The following MAGI3 variants were observed in gnomAD, a reference collection of about 807,000 sequenced individuals.
MAGI3 encodes membrane-associated guanylate kinase, WW and PDZ domain-containing protein 3.
In MAGI3, 43 loss-of-function variants were observed where a neutral mutation model predicts 121.8. That is an observed-to-expected ratio of 0.35 (90% CI 0.28 to 0.46). The LOEUF is 0.46. MAGI3 is among the 20% of genes least tolerant of loss of function. MAGI3 has a pLI of 1.00. For missense variants in MAGI3, 1,547 were observed against 1,797.3 expected (o/e 0.86, Z 2.52); for synonymous variants, 553 against 639.3 (o/e 0.86, Z 2.04).
At chr1:113,483,937 C>G (rs1405548090) in intron 1 of MAGI3, among the ~76,000 whole-genome samples, 1 of 151,898 alleles carries the variant, frequency 6.6e-6, no homozygotes, top group African/African-American at 2.4e-5. Context: ...TCTTCCCTGA[C>G]CCATTTGAGA....
intron 1 of MAGI3, among the ~76,000 whole-genome samples, chr1:113,448,884 C>T (rs535161929): frequency 1.1e-4 from 17 of 152,164 alleles, no homozygotes; most frequent in African/African-American, 3.1e-4. Context: ...CTTTGAGAGG[C>T]GAGGTGGGCA....
intron 15 of MAGI3, among the ~76,000 whole-genome samples, chr1:113,657,423 T>C (rs558388343): frequency 1.1e-4 from 16 of 152,312 alleles, no homozygotes; most frequent in Admixed American, 3.3e-4. Flanking sequence ...CTTTAGGAAG[T>C]TGTATACCAC....
In MAGI3 at chr1:113,456,804, A is replaced by G. The variant is rs1654780905; in HGVS notation, c.316+65455A>G. On this transcript the variant is annotated intron_variant, in intron 1 of 20. Coordinates refer to ENST00000307546, the MANE Select transcript of MAGI3 (RefSeq NM_001142782.2). ...ATCTTGCTATATAATGAAATGATAG[A>G]GTCATTTCTATGAAAATAGGATAAA... 2.6e-5 allele frequency among the ~76,000 whole-genome samples: 4 copies of G among 152,002 alleles called. No individual in the cohort carries two copies. In the South Asian group the frequency reaches 6.2e-4, roughly 24 times the overall value.
At chr1:113,461,229 C>A (rs533557519) in intron 1 of MAGI3, among the ~76,000 whole-genome samples, 1 of 152,268 alleles carries the variant, frequency 6.6e-6, no homozygotes, top group South Asian at 2.1e-4. Flanking sequence ...CTAGAAAAAA[C>A]TAGTTTAAAA....
chr1:113,402,113 ATTGTTC>A (rs1192879709), intron 1 of MAGI3, among the ~76,000 whole-genome samples: 1 of 152,152 alleles, frequency 6.6e-6, no homozygotes, highest in African/African-American at 2.4e-5. Flanking sequence ...AGTTCCTTTC[ATTGTTC>A]TAGTTTCTGG....
intron 1 of MAGI3, among the ~76,000 whole-genome samples, chr1:113,423,167 C>T (rs1220078534): frequency 6.7e-6 from 1 of 150,142 alleles, no homozygotes; most frequent in African/African-American, 2.5e-5. Context: ...CTTTATTGAG[C>T]AACAGAACAA....
At chr1:113,609,533 G>A (rs558227974) in intron 6 of MAGI3, among the ~76,000 whole-genome samples, 31 of 152,124 alleles carry the variant, frequency 2.0e-4, no homozygotes, top group South Asian at 6.2e-4. Context: ...TTAGGAATTC[G>A]TTTTACCCTC....
intron 20 of MAGI3, chr1:113,682,319 T>C: frequency 1.3e-6 from 2 of 1,581,544 alleles, no homozygotes. Context: ...TTGCATGTCT[T>C]GTAAATCACT....
At chr1:113,598,933 G>C (rs1249130827) in intron 6 of MAGI3, among the ~76,000 whole-genome samples, 2 of 152,130 alleles carry the variant, frequency 1.3e-5, no homozygotes, top group Non-Finnish European at 2.9e-5. Flanking sequence ...CACAAAACAA[G>C]TCTCAATAAA....
intron 1 of MAGI3, among the ~76,000 whole-genome samples, chr1:113,446,344 G>A (rs948689821): frequency 6.6e-6 from 1 of 152,110 alleles, no homozygotes; most frequent in African/African-American, 2.4e-5. Flanking sequence ...CATGTTAAAT[G>A]TAATCCCCAT....
At chr1:113,466,257 GT>G (rs1557771764) in intron 1 of MAGI3, among the ~76,000 whole-genome samples, 1 of 152,028 alleles carries the variant, frequency 6.6e-6, no homozygotes, top group Non-Finnish European at 1.5e-5. Context: ...TAATCATAGG[GT>G]TTTTGTATTG....
chr1:113,641,813 A>G (rs1485063663), intron 9 of MAGI3, 98 bp from the exon 10 acceptor site: 1 of 1,179,318 alleles, frequency 8.5e-7, no homozygotes, highest in Admixed American at 2.8e-5. Context: ...TCCAAAATTC[A>G]AATTTAGTTG....
At position 113,530,438 on chromosome 1, in the gene MAGI3, G is replaced by A. The variant is rs146654020; in HGVS notation, c.317-19077G>A. Reference sequence around the variant, plus strand: ...ACAAACGGGAACAACAGACACCAGGGCCTATTTGAGGGTAGAGGGTGGGAG... The same window carrying A: ...ACAAACGGGAACAACAGACACCAGGACCTATTTGAGGGTAGAGGGTGGGAG... On this transcript the variant is annotated intron_variant, in intron 1 of 20. Transcript: ENST00000307546. Among the ~76,000 whole-genome samples the A allele has an allele frequency of 6.5e-3, 983 of 152,086 alleles. 6 individuals are homozygous for A. Among genetic ancestry groups the A allele is most frequent in the Middle Eastern group, 0.02 (6 of 294 alleles).
chr1:113,464,603 A>G (rs1655185381), intron 1 of MAGI3, among the ~76,000 whole-genome samples: 1 of 152,158 alleles, frequency 6.6e-6, no homozygotes. Context: ...GTATTTATTT[A>G]CATTCCCACC....
At chr1:113,578,910 T>G (rs1398732195) in intron 2 of MAGI3, among the ~76,000 whole-genome samples, 1 of 152,022 alleles carries the variant, frequency 6.6e-6, no homozygotes, top group Non-Finnish European at 1.5e-5. Context: ...AATGTTGACA[T>G]AATCATTATT....
chr1:113,619,691 C>T lies in MAGI3; in HGVS notation c.1077-45C>T, dbSNP rs769738702. The T allele has an allele frequency of 7.1e-5, 89 of 1,257,604 alleles. 1 individual carries two copies. In the Admixed American group the frequency reaches 1.6e-3, roughly 22 times the overall value. 77.9% of individuals were successfully genotyped at this position (1,257,604 alleles called of 1,614,324 possible). ...TGATAGACTATTTAAGAATATGTTA[C>T]TGTTTTATTTTAAACTGAAATGTAT... On this transcript the variant is annotated intron_variant, in intron 7 of 20. Transcript: ENST00000307546.
chr1:113,490,784 A>G (rs1656632361), intron 1 of MAGI3, among the ~76,000 whole-genome samples: 1 of 152,222 alleles, frequency 6.6e-6, no homozygotes, highest in Admixed American at 6.5e-5. Context: ...AGAAAAGACA[A>G]AGAAGGGCAT....
chr1:113,437,789 TCC>T (rs1291136861), intron 1 of MAGI3, among the ~76,000 whole-genome samples: 32 of 150,432 alleles, frequency 2.1e-4, no homozygotes, highest in Non-Finnish European at 4.4e-5. Flanking sequence ...TTCTTCTTCT[TCC>T]TTCTTCTTTC....
At position 113,391,430 on chromosome 1, in the gene MAGI3, C is replaced by A; in HGVS notation, c.316+81C>A. ...GGCGTCCTGGGAGCGGCGGCACCTCCCCACCGCGTATTGTCCCGGGTAATC... is the reference window on the plus strand; with the variant it reads ...GGCGTCCTGGGAGCGGCGGCACCTCACCACCGCGTATTGTCCCGGGTAATC... On this transcript the variant is annotated intron_variant, in intron 1 of 20. Coordinates refer to ENST00000307546, the MANE Select transcript of MAGI3 (RefSeq NM_001142782.2). This position sits in a 1 kb window ranked among gnomAD's most constrained non-coding sequence, Gnocchi z 4.4. 5 of 1,426,970 alleles carry A rather than the reference C, an allele frequency of 3.5e-6. No individual in the cohort carries two copies. The South Asian group carries it at 3.8e-5, about 11-fold the overall frequency. 88.4% of individuals were successfully genotyped at this position (1,426,970 alleles called of 1,614,324 possible).
Sources: allele counts gnomAD v4.1 joint callset (sites outside exome capture counted in the v4.1 genomes callset), GRCh38; gene constraint gnomAD v4.1.1; non-coding constraint Gnocchi (gnomAD v3.1); transcripts MANE v1.5; gene names NCBI Gene and HGNC (gene_info 2026-07-23, HGNC 2026-07-21).